NGF: variants seen among roughly 807,000 people sequenced by gnomAD.
NGF encodes the protein nerve growth factor, also known as beta-nerve growth factor.
A neutral mutation model predicts 12.8 loss-of-function variants in NGF; 4 were observed. The observed-to-expected ratio is 0.31, with a 90% CI of 0.15 to 0.72. The LOEUF (loss-of-function observed/expected upper bound fraction) is 0.72, where lower values mean the gene tolerates loss of function less well. NGF is among the 30% of genes least tolerant of loss of function. The probability of loss-of-function intolerance (pLI) is 0.69; values close to 1 mark genes in which losing one functional copy is unlikely to be tolerated. For synonymous variants in NGF, 140 were observed against 130.0 expected, an observed-to-expected ratio of 1.08 and a Z score of -0.52; for missense variants, 283 against 330.8, an observed-to-expected ratio of 0.86 and a Z score of 1.12.
chr1:115,307,082 G>T (rs1395193073), intron 1 of NGF, among the ~76,000 whole-genome samples: 1 of 152,160 alleles, frequency 6.6e-6, no homozygotes, highest in Non-Finnish European at 1.5e-5. Flanking sequence ...TGTTGAGTGT[G>T]GTGGCATGAA....
chr1:115,291,106 A>C (rs1316467856), intron 2 of NGF, among the ~76,000 whole-genome samples: 2 of 152,232 alleles, frequency 1.3e-5, no homozygotes, highest in Non-Finnish European at 2.9e-5. Context: ...TTTGTATCAC[A>C]GGCAGAATGT....
chr1:115,329,198 CACTT>C (rs904766264), intron 1 of NGF, among the ~76,000 whole-genome samples: 5 of 152,058 alleles, frequency 3.3e-5, no homozygotes, highest in African/African-American at 9.7e-5. Context: ...CAGCAGCTCT[CACTT>C]ACTGAGGGTG....
Position 115,286,648 on chromosome 1 carries a change from T to C in NGF, c.148A>G (p.Arg50Gly). The change falls in exon 3 of 3, where the codon AGA becomes GGA. Residue 50 changes from arginine (R) to glycine (G), a missense_variant. Physicochemically the swap from Arg to Gly is moderately radical, Grantham distance 125. Transcript: ENST00000369512. ...GCCGCTGCCGGGGCGCTGCGGGCTC[T>C]GCGAAGGGCAGTGTCAAGGGAATGC... Reference protein sequence around the residue: ...LQHSLDTALRRARSAPAAAIA... With the variant: ...LQHSLDTALRGARSAPAAAIA... 1 of 1,614,244 alleles carries C rather than the reference T, an allele frequency of 6.2e-7. No homozygotes were observed. Among genetic ancestry groups the C allele is most frequent in the Non-Finnish European group, 8.5e-7 (1 of 1,180,048 alleles).
intron 1 of NGF, among the ~76,000 whole-genome samples, chr1:115,297,756 C>G (rs1653915371): frequency 6.6e-6 from 1 of 152,234 alleles, no homozygotes; most frequent in Admixed American, 6.5e-5. Flanking sequence ...CCCCTTTCTA[C>G]TGTCCCTGAA....
At chr1:115,302,422 T>C in intron 1 of NGF, among the ~76,000 whole-genome samples, 1 of 152,202 alleles carries the variant, frequency 6.6e-6, no homozygotes, top group East Asian at 1.9e-4. Context: ...TGGAGAAGGC[T>C]ATGCTCCAGC....
At chr1:115,334,092 C>T (rs891920644) in intron 1 of NGF, among the ~76,000 whole-genome samples, 3 of 152,076 alleles carry the variant, frequency 2.0e-5, no homozygotes, top group Non-Finnish European at 4.4e-5. Context: ...GAGAATAAAC[C>T]CAGTGCCACA....
At chr1:115,302,262 G>T (rs1301016359) in intron 1 of NGF, among the ~76,000 whole-genome samples, 1 of 152,172 alleles carries the variant, frequency 6.6e-6, no homozygotes, top group African/African-American at 2.4e-5. Flanking sequence ...GTGCCACACT[G>T]GTGGGCTGAC....
intron 1 of NGF, among the ~76,000 whole-genome samples, chr1:115,321,975 G>T (rs1452353608): frequency 1.3e-5 from 2 of 152,200 alleles, no homozygotes; most frequent in Non-Finnish European, 2.9e-5. Flanking sequence ...CGTGGCCCTT[G>T]CAGTAAGAGT....
chr1:115,311,999 A>C (rs1192138145), intron 1 of NGF, among the ~76,000 whole-genome samples: 1 of 152,240 alleles, frequency 6.6e-6, no homozygotes, highest in East Asian at 1.9e-4. Context: ...CAGGATTCCC[A>C]TATGTAAAAT....
At chr1:115,324,036 G>A (rs555204423) in intron 1 of NGF, among the ~76,000 whole-genome samples, 4 of 152,236 alleles carry the variant, frequency 2.6e-5, no homozygotes, top group South Asian at 4.1e-4. Context: ...TGCCCTGCTC[G>A]CTTCATCTCC....
intron 1 of NGF, among the ~76,000 whole-genome samples, chr1:115,309,925 A>G (rs1353079645): frequency 2.0e-5 from 3 of 152,222 alleles, no homozygotes; most frequent in Non-Finnish European, 2.9e-5. Flanking sequence ...ATCCTAAGAA[A>G]ATGTCCTGAG....
intron 1 of NGF, among the ~76,000 whole-genome samples, chr1:115,333,642 A>G (rs1247898623): frequency 1.3e-5 from 2 of 150,020 alleles, no homozygotes; most frequent in Non-Finnish European, 3.0e-5. Context: ...GCTCCTTAAG[A>G]CTTTCTTTCT....
intron 1 of NGF, among the ~76,000 whole-genome samples, chr1:115,310,911 G>A (rs1654320047): frequency 1.3e-5 from 2 of 152,162 alleles, no homozygotes; most frequent in Non-Finnish European, 2.9e-5. Context: ...AGTGGGAGGA[G>A]GAGGAGGAAG....
intron 1 of NGF, among the ~76,000 whole-genome samples, chr1:115,333,853 T>C (rs535967750): frequency 6.6e-6 from 1 of 151,892 alleles, no homozygotes; most frequent in East Asian, 1.9e-4. Flanking sequence ...TTTCTTTTCT[T>C]TCTTTTTTTT....
intron 1 of NGF, among the ~76,000 whole-genome samples, chr1:115,305,954 C>A (rs1001666595): frequency 6.6e-6 from 1 of 152,216 alleles, no homozygotes; most frequent in African/African-American, 2.4e-5. Context: ...AGCCAGAGGC[C>A]GATGGAGCCA....
At chr1:115,315,834 CG>C (rs779977736) in intron 1 of NGF, among the ~76,000 whole-genome samples, 18 of 152,248 alleles carry the variant, frequency 1.2e-4, no homozygotes, top group Non-Finnish European at 2.4e-4. Flanking sequence ...ATTGTACTGT[CG>C]AGGAAGTTAA....
intron 1 of NGF, among the ~76,000 whole-genome samples, chr1:115,322,736 C>G (rs1654665330): frequency 1.3e-5 from 2 of 152,100 alleles, no homozygotes; most frequent in South Asian, 4.2e-4. Flanking sequence ...ATTTTTATTA[C>G]CCCCATTTTG....
intron 1 of NGF, among the ~76,000 whole-genome samples, chr1:115,329,495 AC>A (rs1356568627): frequency 6.6e-6 from 1 of 152,138 alleles, no homozygotes; most frequent in Non-Finnish European, 1.5e-5. Context: ...TGGCTTTCAC[AC>A]TTTTTTTGAC....
chr1:115,292,514 C>T (rs946592197), intron 2 of NGF, among the ~76,000 whole-genome samples: 4 of 152,186 alleles, frequency 2.6e-5, no homozygotes, highest in Non-Finnish European at 4.4e-5. Flanking sequence ...TTGAGAGCCA[C>T]GAGTCTAGCC....
Sources: gnomAD v4.1 joint callset for allele counts (sites outside exome capture counted in the v4.1 genomes callset) on GRCh38, gnomAD v4.1.1 for gene constraint, MANE v1.5 for transcripts, NCBI Gene and HGNC (gene_info 2026-07-23, HGNC 2026-07-21) for gene names.